Variants in SYNE2 observed in about 807,000 individuals in gnomAD.
SYNE2 encodes the protein nesprin-2.
A neutral mutation model predicts 856.3 loss-of-function variants in SYNE2; 431 were observed. The ratio of observed to expected loss-of-function variants is 0.50; its 90% confidence interval spans 0.47 to 0.55. The LOEUF (loss-of-function observed/expected upper bound fraction) is 0.55, where lower values mean the gene tolerates loss of function less well. Among genes scored for constraint, SYNE2 ranks in the 20% least tolerant of loss-of-function variants. SYNE2 has a pLI of 0.00. For synonymous variants in SYNE2, 2,923 were observed against 2,872.3 expected, an observed-to-expected ratio of 1.02 and a Z score of -0.56; for missense variants, 8,129 against 8,023.2, an observed-to-expected ratio of 1.01 and a Z score of -0.50.
intron 19 of SYNE2, among the ~76,000 whole-genome samples, chr14:63,989,427 T>G (rs1345365655): frequency 6.6e-6 from 1 of 152,100 alleles, no homozygotes; most frequent in Non-Finnish European, 1.5e-5. Flanking sequence ...AATCTCTACC[T>G]CCCAGGTTCA....
intron 28 of SYNE2, among the ~76,000 whole-genome samples, chr14:64,001,367 A>G (rs1442879939): frequency 3.9e-5 from 6 of 152,222 alleles, no homozygotes; most frequent in Non-Finnish European, 7.3e-5. Context: ...TTTTCCATTC[A>G]GTGTGGTATA....
intron 1 of SYNE2, among the ~76,000 whole-genome samples, chr14:63,835,566 CGTGTGT>C (rs10557777): frequency 0.061 from 9,109 of 149,396 alleles, 649 homozygotes; most frequent in African/African-American, 0.17. Flanking sequence ...TAGATATTTG[CGTGTGT>C]GTGTGTGTGT....
chr14:64,009,742 A>G (rs1443702067), intron 31 of SYNE2, among the ~76,000 whole-genome samples: 2 of 152,082 alleles, frequency 1.3e-5, no homozygotes, highest in Non-Finnish European at 2.9e-5. Context: ...TAACTTTTTA[A>G]TGTTCACCTA....
At chr14:64,191,083 A>C (rs1466895359) in intron 99 of SYNE2, 1 of 701,770 alleles carries the variant, frequency 1.4e-6, no homozygotes, top group Admixed American at 2.0e-5. Flanking sequence ...TATACAGGAG[A>C]ACCTATAAGG....
intron 20 of SYNE2, 140 bp from the exon 21 acceptor site, chr14:63,990,802 A>G: frequency 1.3e-6 from 1 of 794,222 alleles, no homozygotes; most frequent in Middle Eastern, 3.6e-4. Context: ...AGATAGATTT[A>G]TAATTTAGAT....
At chr14:63,827,589 C>A (rs1266336840) in intron 1 of SYNE2, among the ~76,000 whole-genome samples, 2 of 119,066 alleles carry the variant, frequency 1.7e-5, no homozygotes, top group East Asian at 5.4e-4. Flanking sequence ...CGTGTCATTG[C>A]ACTCCAGCCT....
chr14:64,160,795 C>T (rs2098323389), intron 87 of SYNE2, among the ~76,000 whole-genome samples: 2 of 152,254 alleles, frequency 1.3e-5, no homozygotes, highest in South Asian at 4.1e-4. Context: ...CTGTAATTCT[C>T]CCAGAAATCT....
chr14:63,908,198 C>G (rs768314805), intron 1 of SYNE2, among the ~76,000 whole-genome samples: 3 of 152,048 alleles, frequency 2.0e-5, no homozygotes, highest in Non-Finnish European at 2.9e-5. Flanking sequence ...TAGTATACAG[C>G]AAAGTTAAAG....
intron 1 of SYNE2, among the ~76,000 whole-genome samples, chr14:63,863,260 C>T (rs1015187462): frequency 6.6e-6 from 1 of 151,980 alleles, no homozygotes; most frequent in African/African-American, 2.4e-5. Context: ...GTCTTTTTTT[C>T]AAGGTTCGAG....
chr14:63,882,884 G>T (rs1030651729), intron 1 of SYNE2, among the ~76,000 whole-genome samples: 18 of 151,830 alleles, frequency 1.2e-4, no homozygotes, highest in African/African-American at 4.4e-4. Context: ...CATGAGCCTT[G>T]GTTTCATCTA....
chr14:63,997,448 A>G (rs768409318), intron 25 of SYNE2, 57 bp downstream of exon 25: 1 of 1,299,696 alleles, frequency 7.7e-7, no homozygotes, highest in Non-Finnish European at 1.1e-6. Context: ...GACCAAGTGT[A>G]CAATAATTCA....
intron 74 of SYNE2, among the ~76,000 whole-genome samples, chr14:64,129,220 T>A (rs984107485): frequency 2.6e-5 from 4 of 152,206 alleles, no homozygotes; most frequent in African/African-American, 4.8e-5. Flanking sequence ...GGTGTGATAA[T>A]TGCTTGAGCT....
Position 64,132,370 on chromosome 14 carries a change from G to A in SYNE2, c.14446G>A (p.Val4816Ile). Reference protein sequence around the residue: ...QNRETFWAEQVTEVKILEEKS... With the variant: ...QNRETFWAEQITEVKILEEKS... ...CAGAGAGACATTTTGGGCAGAACAA[G>A]TAACAGAAGTTAAAATACTAGAAGA... The change falls in exon 77 of 116, where the codon GTA becomes ATA. Residue 4816 changes from valine (V) to isoleucine (I), a missense_variant. By Grantham distance (29) the Val-to-Ile change is conservative (BLOSUM62 3). This residue lies in a region of SYNE2 where 5,410 missense variants were observed against 5,284.8 expected (regional missense o/e 1.02). Coordinates refer to ENST00000555002, the MANE Select transcript of SYNE2 (RefSeq NM_182914.3). 6.2e-7 allele frequency: 1 copy of A among 1,614,122 alleles called. No homozygotes were observed. The highest frequency in any genetic ancestry group is 8.5e-7 in the Non-Finnish European group (1 of 1,180,018).
intron 111 of SYNE2, among the ~76,000 whole-genome samples, chr14:64,221,368 C>T (rs561205622): frequency 6.6e-6 from 1 of 152,326 alleles, no homozygotes; most frequent in Admixed American, 6.5e-5. Context: ...TTATTCGCGG[C>T]CTCCTGGCAC....
intron 1 of SYNE2, among the ~76,000 whole-genome samples, chr14:63,897,879 C>G (rs2095278689): frequency 6.6e-6 from 1 of 152,208 alleles, no homozygotes. Context: ...TCATTCTTCT[C>G]TACTTCAAAA....
chr14:63,934,665 C>G (rs2153405588), intron 2 of SYNE2, among the ~76,000 whole-genome samples: 1 of 152,160 alleles, frequency 6.6e-6, no homozygotes, highest in Middle Eastern at 3.4e-3. Flanking sequence ...ATTTCACCTC[C>G]TCTGAGGTTG....
At chr14:63,838,082 T>C (rs977573011) in intron 1 of SYNE2, among the ~76,000 whole-genome samples, 1 of 151,740 alleles carries the variant, frequency 6.6e-6, no homozygotes, top group African/African-American at 2.4e-5. Flanking sequence ...TTAAAAAGAC[T>C]ATAAGGGCTG....
chr14:63,978,477 A>T (rs946208925), intron 13 of SYNE2, among the ~76,000 whole-genome samples: 3 of 152,228 alleles, frequency 2.0e-5, no homozygotes, highest in Non-Finnish European at 2.9e-5. Flanking sequence ...TAGAATAATA[A>T]GAGGGTGTTA....
intron 92 of SYNE2, 57 bp from the exon 93 acceptor site, chr14:64,168,820 C>A: frequency 8.4e-7 from 1 of 1,188,928 alleles, no homozygotes; most frequent in East Asian, 2.4e-5. Flanking sequence ...ATGTAGGTTC[C>A]GAGATTCATA....
Sources: allele counts gnomAD v4.1 joint callset (sites outside exome capture counted in the v4.1 genomes callset), GRCh38; gene constraint gnomAD v4.1.1; regional missense constraint gnomAD v4.1.1; transcripts MANE v1.5; gene names NCBI Gene and HGNC (gene_info 2026-07-23, HGNC 2026-07-21).